The following ANKS1B variants were observed in gnomAD, a reference collection of about 807,000 sequenced individuals.
ANKS1B encodes ankyrin repeat and sterile alpha motif domain-containing protein 1B.
Under a neutral mutation model 148.3 loss-of-function variants are expected in ANKS1B, and 36 were observed. The observed-to-expected ratio is 0.24, with a 90% CI of 0.19 to 0.32. ANKS1B has a LOEUF of 0.32. ANKS1B is among the 10% of genes least tolerant of loss of function. The probability of loss-of-function intolerance (pLI) is 1.00; values close to 1 mark genes in which losing one functional copy is unlikely to be tolerated. For missense variants in ANKS1B, 1,157 were observed against 1,542.6 expected, an observed-to-expected ratio of 0.75 and a Z score of 4.19; for synonymous variants, 542 against 560.8, an observed-to-expected ratio of 0.97 and a Z score of 0.47.
At position 98,945,494 on chromosome 12, in the gene ANKS1B, C is replaced by CAACAAACAAACA. The variant is rs1443177039; in HGVS notation, c.2778+107651_2778+107662dup. Among the ~76,000 whole-genome samples the CAACAAACAAACA allele has an allele frequency of 1.2e-3, 21 of 16,984 alleles. 5 individuals are homozygous for CAACAAACAAACA. The highest frequency in any genetic ancestry group is 2.3e-3 in the Admixed American group (2 of 882). 11.1% of individuals were successfully genotyped at this position (16,984 alleles called of 152,430 possible). On this transcript the variant is annotated intron_variant, in intron 17 of 26. Coordinates refer to ENST00000683438, the MANE Select transcript of ANKS1B (RefSeq NM_001352186.2). ...TGGGCAGCAGAGCCAGACCCTGTCT[C>CAACAAACAAACA]AACAAACAAACAAAAAAAAAAAAAA...
At chr12:99,322,282 C>T (rs117989153) in intron 12 of ANKS1B, among the ~76,000 whole-genome samples, 1,737 of 152,018 alleles carry the variant, frequency 0.011, 23 homozygotes, top group Non-Finnish European at 0.019. Context: ...TATGTTCTCA[C>T]TCATAAGGGG....
chr12:99,322,926 C>T (rs1159689342), intron 12 of ANKS1B, among the ~76,000 whole-genome samples: 3 of 152,134 alleles, frequency 2.0e-5, no homozygotes, highest in Non-Finnish European at 4.4e-5. Flanking sequence ...TCTCTCTTGC[C>T]TGCCACCATG....
In ANKS1B at chr12:99,421,217, C is replaced by G. The variant is rs185866417; in HGVS notation, c.1576-21406G>C. Among the ~76,000 whole-genome samples the G allele has an allele frequency of 8.5e-5, 13 of 152,188 alleles. No individual in the cohort carries two copies. The East Asian group carries it at 2.5e-3, about 29-fold the overall frequency. ...TGATGAGTTAAATCATAAGGCAGCC[C>G]TCCTAATAAATGGCAGAATCACCAA... On this transcript the variant is annotated intron_variant, in intron 11 of 26. Coordinates refer to ENST00000683438, the MANE Select transcript of ANKS1B (RefSeq NM_001352186.2).
intron 9 of ANKS1B, among the ~76,000 whole-genome samples, chr12:99,609,490 G>A (rs1355666465): frequency 2.6e-5 from 4 of 151,292 alleles, no homozygotes; most frequent in African/African-American, 9.7e-5. Context: ...GCTACCACAG[G>A]ACCAAGCAAT....
At chr12:99,040,777 T>G (rs1213356863) in intron 17 of ANKS1B, among the ~76,000 whole-genome samples, 1 of 152,184 alleles carries the variant, frequency 6.6e-6, no homozygotes, top group East Asian at 1.9e-4. Flanking sequence ...CAACAGGTAT[T>G]TATTTGCCAC....
chr12:99,787,639 G>A (rs1347983586), intron 4 of ANKS1B, among the ~76,000 whole-genome samples: 1 of 152,212 alleles, frequency 6.6e-6, no homozygotes, highest in Non-Finnish European at 1.5e-5. Flanking sequence ...GCACACAGAA[G>A]AGCATTGTCA....
rs2099007342 is a variant in ANKS1B, at chr12:98,801,904, C to T, written c.3142-779G>A. Among the ~76,000 whole-genome samples the T allele has an allele frequency of 6.6e-6, 1 of 152,184 alleles. No individual in the cohort carries two copies. The highest frequency in any genetic ancestry group is 1.5e-5 in the Non-Finnish European group (1 of 68,040). On this transcript the variant is annotated intron_variant, in intron 20 of 26. Transcript: ENST00000683438. The surrounding 1 kb of genome is among the most constrained non-coding windows in gnomAD (Gnocchi z 5.2). ...CTCCCATCATTTCATTTATCATTTT[C>T]CATGAGGTTAGCCTCAACCTGTTTC... is the stretch of plus-strand genomic sequence containing the variant.
intron 9 of ANKS1B, among the ~76,000 whole-genome samples, chr12:99,512,246 G>C (rs2153033333): frequency 6.6e-6 from 1 of 151,844 alleles, no homozygotes; most frequent in Non-Finnish European, 1.5e-5. Flanking sequence ...GCGGGCAAAG[G>C]ACATAAACAG....
chr12:99,499,630 A>T (rs2096636769), intron 10 of ANKS1B, among the ~76,000 whole-genome samples: 1 of 152,134 alleles, frequency 6.6e-6, no homozygotes, highest in Non-Finnish European at 1.5e-5. Context: ...ATCCCAACAC[A>T]GACCACGAGA....
intron 12 of ANKS1B, among the ~76,000 whole-genome samples, chr12:99,375,827 C>A (rs1324490893): frequency 1.3e-5 from 2 of 152,072 alleles, no homozygotes; most frequent in Non-Finnish European, 2.9e-5. Context: ...CAGACGAGAT[C>A]AAACTGAAAA....
intron 17 of ANKS1B, among the ~76,000 whole-genome samples, chr12:98,976,075 C>A (rs1289901295): frequency 6.6e-6 from 1 of 152,152 alleles, no homozygotes; most frequent in Non-Finnish European, 1.5e-5. Flanking sequence ...AAAGTGAAAA[C>A]AATCATGTCT....
chr12:99,420,789 A>G (rs78324127), intron 11 of ANKS1B, among the ~76,000 whole-genome samples: 6,449 of 152,274 alleles, frequency 0.042, 464 homozygotes, highest in African/African-American at 0.14. Flanking sequence ...ATTTCCCTCA[A>G]GGAAACAAAA....
chr12:99,504,722 A>G lies in ANKS1B; in HGVS notation c.1273-81T>C, dbSNP rs1026051723. The G allele has an allele frequency of 9.4e-6, 10 of 1,068,210 alleles. No homozygotes were observed. In the African/African-American group the frequency reaches 1.6e-4, roughly 17 times the overall value. The allele number at this position is 1,068,210 out of a possible 1,614,324, so 66.2% of individuals were successfully genotyped here. On this transcript the variant is annotated intron_variant, in intron 9 of 26. Transcript: ENST00000683438. Reference sequence around the variant, plus strand: ...TTTATAAAAACTAGAAAAGATAATCAGGTTCATTAGTTCTTTCCAAAGTGA... The same window carrying G: ...TTTATAAAAACTAGAAAAGATAATCGGGTTCATTAGTTCTTTCCAAAGTGA...
rs61932059 is a variant in ANKS1B, at chr12:98,747,138, G to A, written c.3748-1289C>T. On this transcript the variant is annotated intron_variant, in intron 26 of 26. Coordinates refer to ENST00000683438, the MANE Select transcript of ANKS1B (RefSeq NM_001352186.2). ...CAACAAAGCGAAAAGACAACCTACAGAATGGGAGAAAATATTTGCAAAGTA... is the reference window on the plus strand; with the variant it reads ...CAACAAAGCGAAAAGACAACCTACAAAATGGGAGAAAATATTTGCAAAGTA... Among the ~76,000 whole-genome samples the A allele has an allele frequency of 9.5e-3, 1,452 of 152,220 alleles. 8 individuals carry two copies. The highest frequency in any genetic ancestry group is 0.016 in the South Asian group (78 of 4,822).
chr12:99,717,717 T>C (rs1462900178), intron 8 of ANKS1B, among the ~76,000 whole-genome samples: 1 of 152,090 alleles, frequency 6.6e-6, no homozygotes, highest in Non-Finnish European at 1.5e-5. Flanking sequence ...CGCCGAGCTT[T>C]AAGTAACTCT....
intron 1 of ANKS1B, among the ~76,000 whole-genome samples, chr12:99,936,218 G>A (rs972294307): frequency 6.6e-6 from 1 of 152,114 alleles, no homozygotes. Flanking sequence ...AGAATCTTGG[G>A]AGCCATCCTA....
intron 9 of ANKS1B, among the ~76,000 whole-genome samples, chr12:99,508,943 C>A (rs767095446): frequency 2.0e-5 from 3 of 151,786 alleles, no homozygotes; most frequent in African/African-American, 7.3e-5. Context: ...CACCATTTTT[C>A]CAACATGTTC....
chr12:99,181,715 T>G (rs1011338748), intron 14 of ANKS1B, among the ~76,000 whole-genome samples: 7 of 152,104 alleles, frequency 4.6e-5, no homozygotes, highest in African/African-American at 1.7e-4. Flanking sequence ...AGATTTTTCA[T>G]ACAGGCATAC....
chr12:99,155,031 T>C (rs1205937972), intron 14 of ANKS1B: 3 of 1,535,194 alleles, frequency 2.0e-6, no homozygotes, highest in Admixed American at 2.0e-5. Context: ...AATAGCAAGA[T>C]TCAAAAGCAA....
Sources: gnomAD v4.1 joint callset for allele counts (sites outside exome capture counted in the v4.1 genomes callset) on GRCh38, gnomAD v4.1.1 for gene constraint, Gnocchi (gnomAD v3.1) non-coding constraint, MANE v1.5 for transcripts, NCBI Gene and HGNC (gene_info 2026-07-23, HGNC 2026-07-21) for gene names.